The following ASH1L variants were observed in gnomAD, a reference collection of about 807,000 sequenced individuals.
The protein encoded by ASH1L is ASH1 like histone lysine methyltransferase.
Under a neutral mutation model 269.0 loss-of-function variants are expected in ASH1L, and 23 were observed. That is an observed-to-expected ratio of 0.09 (90% CI 0.06 to 0.12). The LOEUF is 0.12. Ranked by LOEUF, ASH1L falls within the 10% of genes least tolerant of loss-of-function variation. The pLI is 1.00. For missense variants in ASH1L, 2,912 were observed against 3,567.8 expected, an observed-to-expected ratio of 0.82 and a Z score of 4.68; for synonymous variants, 1,187 against 1,253.5, an observed-to-expected ratio of 0.95 and a Z score of 1.12.
rs199583567 is a variant in ASH1L at position 155,411,570 on chromosome 1, T to TATAAATAAATAA, written c.6008+4162_6008+4173dup. Among the ~76,000 whole-genome samples the TATAAATAAATAA allele has an allele frequency of 9.4e-4, 68 of 72,008 alleles. 1 individual carries two copies. The highest frequency in any genetic ancestry group is 1.4e-3 in the Non-Finnish European group (51 of 37,612). The allele number at this position is 72,008 out of a possible 152,430, so 47.2% of individuals were successfully genotyped here. ...TGATATATATAAATATAAATATGAA[T>TATAAATAAATAA]ATAAATAAATAAATAAATATATATA... On this transcript the variant is annotated intron_variant, in intron 6 of 27. Transcript: ENST00000392403.
At chr1:155,501,877 G>A (rs1667525987) in intron 2 of ASH1L, among the ~76,000 whole-genome samples, 1 of 151,388 alleles carries the variant, frequency 6.6e-6, no homozygotes, top group Non-Finnish European at 1.5e-5. Context: ...TGGCCAGGAT[G>A]GTCTCGATCT....
chr1:155,547,723 CA>C (rs1040051903), intron 1 of ASH1L, among the ~76,000 whole-genome samples: 49 of 133,476 alleles, frequency 3.7e-4, no homozygotes, highest in Non-Finnish European at 4.1e-4. Flanking sequence ...AACTCAGTCT[CA>C]AAAAAAAAAA....
chr1:155,397,945 C>T (rs1210851928), intron 6 of ASH1L, among the ~76,000 whole-genome samples: 3 of 152,124 alleles, frequency 2.0e-5, no homozygotes, highest in African/African-American at 7.2e-5. Flanking sequence ...TATTTACTCT[C>T]ATAATTTATT....
At chr1:155,549,679 C>T (rs887639198) in intron 1 of ASH1L, among the ~76,000 whole-genome samples, 2 of 151,660 alleles carry the variant, frequency 1.3e-5, no homozygotes, top group African/African-American at 4.8e-5. Flanking sequence ...TAGGTTATAT[C>T]CAAGTAGTAT....
chr1:155,387,745 C>T (rs887155067), intron 7 of ASH1L, among the ~76,000 whole-genome samples: 10 of 152,194 alleles, frequency 6.6e-5, no homozygotes, highest in Non-Finnish European at 1.0e-4. Context: ...GCCATTTTAA[C>T]GGTATTTATT....
chr1:155,467,861 T>G (rs551139060), intron 3 of ASH1L, among the ~76,000 whole-genome samples: 2 of 152,200 alleles, frequency 1.3e-5, no homozygotes, highest in Non-Finnish European at 2.9e-5. Flanking sequence ...AAAAAACTCA[T>G]TATTCTGGAA....
intron 12 of ASH1L, among the ~76,000 whole-genome samples, chr1:155,364,423 A>G (rs2148396663): frequency 6.6e-6 from 1 of 152,270 alleles, no homozygotes; most frequent in South Asian, 2.1e-4. Context: ...TGGTTATACC[A>G]ATTTACACTT....
At chr1:155,414,116 T>G (rs778793943) in intron 6 of ASH1L, among the ~76,000 whole-genome samples, 15 of 152,186 alleles carry the variant, frequency 9.9e-5, no homozygotes, top group Non-Finnish European at 1.8e-4. Context: ...CCTCTTTCAA[T>G]CTTATTCTTC....
rs1388177789 is a variant in ASH1L, at chr1:155,372,807, C to CT, written c.6333-1825_6333-1824insA. Among the ~76,000 whole-genome samples, 7 of 152,098 alleles carry CT rather than the reference C, an allele frequency of 4.6e-5. No homozygotes were observed. In the East Asian group the frequency reaches 1.3e-3, roughly 29 times the overall value. On this transcript the variant is annotated intron_variant, in intron 10 of 27. Transcript: ENST00000392403. ...CATTTTTAAGAGTACAGTTCAGTGA[C>CT]ATTAGGTATATTTGCTGCTGTTGTA...
rs756904206 is a variant in ASH1L at position 155,378,407 on chromosome 1, G to T, written c.6224-18C>A. On this transcript the variant is annotated intron_variant, in intron 9 of 27. Coordinates refer to ENST00000392403, the MANE Select transcript of ASH1L (RefSeq NM_018489.3). ...GTAGACATCTTGAAAAGAAAGCAAA[G>T]AATAGTTTGTGAACATACAGGATAA... 6 of 1,611,726 alleles carry T rather than the reference G, an allele frequency of 3.7e-6. No homozygotes were observed. The South Asian group carries it at 4.4e-5, about 12-fold the overall frequency.
chr1:155,343,849 C>T lies in ASH1L; in HGVS notation c.7982-107G>A. ...TCTACATAGAACTCATAATCTGAAA[C>T]AGTATAAATACAGAGAGCTAAAAGC... On this transcript the variant is annotated intron_variant, in intron 22 of 27. Transcript: ENST00000392403. This position sits in a 1 kb window ranked among gnomAD's most constrained non-coding sequence, Gnocchi z 6.1. 5 of 1,289,162 alleles carry T rather than the reference C, an allele frequency of 3.9e-6. No individual in the cohort carries two copies. The highest frequency in any genetic ancestry group is 5.4e-6 in the Non-Finnish European group (5 of 930,924). 79.9% of individuals were successfully genotyped at this position (1,289,162 alleles called of 1,614,324 possible). A position where few individuals can be genotyped will look rare whatever the true frequency, so the allele number is the denominator to read the frequency against.
At position 155,357,597 on chromosome 1, in the gene ASH1L, C is replaced by T. The variant is rs2148371724; in HGVS notation, c.6948G>A (p.Lys2316=). 6.2e-7 allele frequency: 1 copy of T among 1,614,002 alleles called. No homozygotes were observed. Among genetic ancestry groups the T allele is most frequent in the East Asian group, 2.2e-5 (1 of 44,880 alleles). ...RSKEKRKSKH[K]LKKRRGHLSE... ...GATAATTATTCACCCTTTTCTTCAG[C>T]TTGTGCTTAGACTTTCTCTTCTCTT... Residue 2316 remains lysine, a synonymous_variant, in exon 14 of 28, where the codon AAG becomes AAA. Coordinates refer to ENST00000392403, the MANE Select transcript of ASH1L (RefSeq NM_018489.3).
chr1:155,372,575 C>T (rs1258674311), intron 10 of ASH1L, among the ~76,000 whole-genome samples: 1 of 151,526 alleles, frequency 6.6e-6, no homozygotes, highest in African/African-American at 2.4e-5. Flanking sequence ...TCTCAAAGTT[C>T]TGGGATTACA....
In ASH1L at chr1:155,465,380, C is replaced by A. The variant is rs185264372; in HGVS notation, c.4985-5482G>T. ...CTTTAGCCTAAGTTCACTATTAAAG[C>A]TTTTATAACTTAATATAGTATGAAT... On this transcript the variant is annotated intron_variant, in intron 3 of 27. Transcript: ENST00000392403. Among the ~76,000 whole-genome samples the A allele has an allele frequency of 7.4e-5, 11 of 149,022 alleles. No homozygotes were observed. The East Asian group carries it at 1.8e-3, about 24-fold the overall frequency.
At chr1:155,549,557 G>A (rs1671056126) in intron 1 of ASH1L, among the ~76,000 whole-genome samples, 1 of 151,346 alleles carries the variant, frequency 6.6e-6, no homozygotes, top group Non-Finnish European at 1.5e-5. Context: ...CCCAGGAAGC[G>A]GAGGTTGCAG....
intron 3 of ASH1L, among the ~76,000 whole-genome samples, 179 bp downstream of exon 3, chr1:155,477,702 AAAAAT>A (rs1300306203): frequency 6.6e-6 from 1 of 152,184 alleles, no homozygotes; most frequent in Non-Finnish European, 1.5e-5. Flanking sequence ...CTCAAAACAA[AAAAAT>A]AATATAGACA....
At chr1:155,398,933 A>G (rs1374857450) in intron 6 of ASH1L, among the ~76,000 whole-genome samples, 2 of 152,084 alleles carry the variant, frequency 1.3e-5, no homozygotes, top group African/African-American at 2.4e-5. Context: ...GTGTTTCACC[A>G]TGTTGCCCAG....
chr1:155,555,901 G>A (rs1230100647), intron 1 of ASH1L, among the ~76,000 whole-genome samples: 1 of 135,828 alleles, frequency 7.4e-6, no homozygotes, highest in Non-Finnish European at 1.7e-5. Context: ...AAGTATTTAT[G>A]GATGAAATTA....
intron 6 of ASH1L, 107 bp from the exon 7 acceptor site, chr1:155,395,660 G>T: frequency 1.6e-6 from 1 of 622,314 alleles, no homozygotes; most frequent in African/African-American, 1.9e-5. Flanking sequence ...CAAGTACATT[G>T]ATAAATTAAA....
Sources: allele counts gnomAD v4.1 joint callset (sites outside exome capture counted in the v4.1 genomes callset), GRCh38; gene constraint gnomAD v4.1.1; non-coding constraint Gnocchi (gnomAD v3.1); transcripts MANE v1.5; gene names NCBI Gene and HGNC (gene_info 2026-07-23, HGNC 2026-07-21).